Variants in ZNF704 observed in about 807,000 individuals in gnomAD.
ZNF704 encodes the protein glucocorticoid induced gene 1.
In ZNF704, 10 loss-of-function variants were observed where a neutral mutation model predicts 44.7. The observed-to-expected ratio is 0.22, with a 90% CI of 0.14 to 0.38. ZNF704 has a LOEUF of 0.38. ZNF704 is among the 10% of genes least tolerant of loss of function. The pLI is 1.00. For missense variants in ZNF704, 390 were observed against 545.5 expected, an observed-to-expected ratio of 0.71 and a Z score of 2.84; for synonymous variants, 211 against 207.6, an observed-to-expected ratio of 1.02 and a Z score of -0.14.
intron 2 of ZNF704, among the ~76,000 whole-genome samples, chr8:80,728,714 C>A (rs143615918): frequency 6.6e-6 from 1 of 152,156 alleles, no homozygotes; most frequent in East Asian, 1.9e-4. Context: ...TCTGAAGCAA[C>A]ATGCTATGGT....
At chr8:80,666,478 C>G (rs1397399356) in intron 5 of ZNF704, among the ~76,000 whole-genome samples, 1 of 145,822 alleles carries the variant, frequency 6.9e-6, no homozygotes, top group Non-Finnish European at 1.5e-5. Flanking sequence ...GGGTATATAC[C>G]CAGTAATGGG....
chr8:80,681,015 T>C (rs1333880895), intron 4 of ZNF704, among the ~76,000 whole-genome samples: 2 of 152,232 alleles, frequency 1.3e-5, no homozygotes, highest in Non-Finnish European at 2.9e-5. Flanking sequence ...CATAATGTTT[T>C]TTTTGATTCA....
At chr8:80,828,672 T>C (rs930799283) in intron 1 of ZNF704, among the ~76,000 whole-genome samples, 1 of 152,232 alleles carries the variant, frequency 6.6e-6, no homozygotes, top group Non-Finnish European at 1.5e-5. Flanking sequence ...TTTAGATTTA[T>C]AGAATCTAAG....
intron 1 of ZNF704, among the ~76,000 whole-genome samples, chr8:80,823,598 A>G (rs891744736): frequency 6.6e-6 from 1 of 152,168 alleles, no homozygotes; most frequent in Non-Finnish European, 1.5e-5. Flanking sequence ...GGAGTGTGAG[A>G]TCTGCAAACG....
chr8:80,659,727 A>G (rs187132122), intron 6 of ZNF704, 38 bp from the exon 7 acceptor site: 11 of 1,587,070 alleles, frequency 6.9e-6, no homozygotes, highest in South Asian at 5.5e-5. Flanking sequence ...TTATGAAGGA[A>G]TATTTTCCTT....
At chr8:80,806,664 G>A (rs1441730644) in intron 2 of ZNF704, among the ~76,000 whole-genome samples, 3 of 152,094 alleles carry the variant, frequency 2.0e-5, no homozygotes, top group Non-Finnish European at 4.4e-5. Flanking sequence ...TTCTGAACAG[G>A]ACCAAATGGA....
At chr8:80,746,478 T>C (rs1439453711) in intron 2 of ZNF704, among the ~76,000 whole-genome samples, 2 of 152,216 alleles carry the variant, frequency 1.3e-5, no homozygotes, top group Non-Finnish European at 2.9e-5. Context: ...ATGTGATAGT[T>C]TGAGGCTTTA....
intron 1 of ZNF704, among the ~76,000 whole-genome samples, chr8:80,863,063 C>T (rs944811297): frequency 6.6e-6 from 1 of 151,648 alleles, no homozygotes; most frequent in Non-Finnish European, 1.5e-5. Flanking sequence ...ATAATTTTTA[C>T]TGTAACTAAT....
intron 4 of ZNF704, among the ~76,000 whole-genome samples, chr8:80,680,528 C>T (rs966811171): frequency 6.6e-6 from 1 of 152,102 alleles, no homozygotes; most frequent in Admixed American, 6.5e-5. Context: ...TACAAACTTC[C>T]TCTGCCTGTC....
chr8:80,718,142 G>A (rs1819100792), intron 2 of ZNF704, among the ~76,000 whole-genome samples: 1 of 151,828 alleles, frequency 6.6e-6, no homozygotes, highest in South Asian at 2.1e-4. Flanking sequence ...AAGTCAGTAT[G>A]GTTTATGATT....
Position 80,633,835 on chromosome 8 carries a change from T to C in ZNF704, c.*7531A>G, listed in dbSNP as rs1043536890. On this transcript the variant is annotated 3_prime_UTR_variant, in exon 9 of 9. Coordinates refer to ENST00000327835, the MANE Select transcript of ZNF704 (RefSeq NM_001033723.3). ...AGAGTTTAAAATAACTTAGTCCATC[T>C]AAATGAAGGAAGCAACTTCTAATTT... 6 of 152,232 alleles carry C rather than the reference T, an allele frequency of 3.9e-5. No homozygotes were observed. The highest frequency in any genetic ancestry group is 7.3e-5 in the Non-Finnish European group (5 of 68,036). 9.4% of individuals were successfully genotyped at this position (152,232 alleles called of 1,614,324 possible). A position where few individuals can be genotyped will look rare whatever the true frequency, so the allele number is the denominator to read the frequency against.
At chr8:80,689,712 T>C (rs964578688) in intron 3 of ZNF704, among the ~76,000 whole-genome samples, 6 of 152,230 alleles carry the variant, frequency 3.9e-5, no homozygotes, top group Non-Finnish European at 8.8e-5. Context: ...CCAACTATTA[T>C]TACAGTGTGG....
rs544985726 is a variant in ZNF704 at position 80,794,379 on chromosome 8, A to G, written c.221+26995T>C. ...ATTTTAATATCAATGATGTAAAAAG[A>G]GCAATTATTAATAGCTCAGGTTAAT... On this transcript the variant is annotated intron_variant, in intron 2 of 8. Transcript: ENST00000327835. Among the ~76,000 whole-genome samples the G allele has an allele frequency of 4.6e-5, 7 of 152,334 alleles. No individual in the cohort carries two copies. The South Asian group carries it at 8.3e-4, about 18-fold the overall frequency.
intron 2 of ZNF704, among the ~76,000 whole-genome samples, chr8:80,709,526 A>C (rs1325762061): frequency 6.7e-6 from 1 of 149,488 alleles, no homozygotes; most frequent in East Asian, 2.0e-4. Context: ...CCAAGACAGG[A>C]TCAGTTCTAT....
chr8:80,849,037 C>A (rs975709679), intron 1 of ZNF704, among the ~76,000 whole-genome samples: 1 of 152,042 alleles, frequency 6.6e-6, no homozygotes, highest in Admixed American at 6.6e-5. Context: ...AAGATAGATA[C>A]CTTTAAGCAG....
chr8:80,726,833 GCA>G (rs60158512), intron 2 of ZNF704, among the ~76,000 whole-genome samples: 2,386 of 147,258 alleles, frequency 0.016, 59 homozygotes, highest in African/African-American at 0.051. Flanking sequence ...ACACACACAT[GCA>G]CACACACACA....
At chr8:80,663,918 T>TG (rs914717330) in intron 6 of ZNF704, among the ~76,000 whole-genome samples, 7 of 151,148 alleles carry the variant, frequency 4.6e-5, no homozygotes, top group African/African-American at 1.2e-4. Context: ...TTTGTAGATA[T>TG]GGGGGTCTCA....
Position 80,828,245 on chromosome 8 carries a change from C to A in ZNF704, c.-21-6630G>T, listed in dbSNP as rs868342421. ...GATAAAGAAGTCAGAATAATTTTTC[C>A]TATCACTTGTAACAAAATGTAATGA... On this transcript the variant is annotated intron_variant, in intron 1 of 8. Transcript: ENST00000327835. Among the ~76,000 whole-genome samples the A allele has an allele frequency of 2.0e-5, 3 of 152,222 alleles. No homozygotes were observed. The Middle Eastern group carries it at 0.01, about 518-fold the overall frequency.
intron 2 of ZNF704, among the ~76,000 whole-genome samples, chr8:80,725,198 G>A (rs1192792165): frequency 6.6e-6 from 1 of 152,180 alleles, no homozygotes; most frequent in Non-Finnish European, 1.5e-5. Context: ...AGGGCAGAAG[G>A]AGTATAGTGG....
Sources: gnomAD v4.1 joint callset for allele counts (sites outside exome capture counted in the v4.1 genomes callset) on GRCh38, gnomAD v4.1.1 for gene constraint, MANE v1.5 for transcripts, NCBI Gene and HGNC (gene_info 2026-07-23, HGNC 2026-07-21) for gene names.